The following CAPN5 variants were observed in gnomAD, a reference collection of about 807,000 sequenced individuals.
The protein encoded by CAPN5 is calpain-5.
CAPN5 carries 54 observed loss-of-function variants against 73.0 expected under a neutral mutation model. That is an observed-to-expected ratio of 0.74 (90% confidence interval 0.59 to 0.93). CAPN5 has a LOEUF of 0.93. Ranked by LOEUF, CAPN5 falls within the 40% of genes least tolerant of loss-of-function variation. The pLI is 0.00. For missense variants in CAPN5, 785 were observed against 882.9 expected (o/e 0.89, Z 1.41); for synonymous variants, 335 against 356.9 (o/e 0.94, Z 0.69).
At chr11:77,110,174 G>A (rs1415848613) in intron 3 of CAPN5, among the ~76,000 whole-genome samples, 3 of 149,480 alleles carry the variant, frequency 2.0e-5, no homozygotes, top group South Asian at 2.1e-4. Context: ...TGCAACCTCC[G>A]CCTCCCAGGT....
chr11:77,118,021 G>T (rs1950484919), intron 7 of CAPN5, 136 bp from the exon 8 acceptor site: 2 of 717,928 alleles, frequency 2.8e-6, no homozygotes, highest in African/African-American at 3.5e-5. Context: ...CCTTGTGTGG[G>T]CTTAGCTCCC....
At chr11:77,087,920 G>A (rs771619483) in intron 2 of CAPN5, 1,703 of 1,535,926 alleles carry the variant, frequency 1.1e-3, no homozygotes, top group Non-Finnish European at 1.3e-3. Context: ...CCACAGGCTC[G>A]CTATGTTTTT....
chr11:77,111,378 A>C (rs541116963), intron 3 of CAPN5, among the ~76,000 whole-genome samples: 1 of 152,102 alleles, frequency 6.6e-6, no homozygotes, highest in South Asian at 2.1e-4. Context: ...CCTCCAAAGC[A>C]TGTGTGTATT....
Position 77,085,064 on chromosome 11 carries a change from T to C in CAPN5, c.165+13T>C. The C allele has an allele frequency of 6.2e-7, 1 of 1,611,668 alleles. No individual in the cohort carries two copies. The highest frequency in any genetic ancestry group is 8.5e-7 in the Non-Finnish European group (1 of 1,179,644). On this transcript the variant is annotated intron_variant, in intron 2 of 12. Coordinates refer to ENST00000648180, the MANE Select transcript of CAPN5 (RefSeq NM_004055.5). ...GAAGCGACCCAAGGTCAGTGTCTGG[T>C]CCCAGCTGGAGCTGGGTGAGCGGGC...
chr11:77,073,084 A>G, intron 1 of CAPN5: 1 of 1,289,756 alleles, frequency 7.8e-7, no homozygotes, highest in Non-Finnish European at 1.0e-6. Flanking sequence ...AGCTGTATCT[A>G]CCTGCTGTCA....
rs1278718632 is a variant in CAPN5, at chr11:77,124,839, C to T, written c.*969C>T. The T allele has an allele frequency of 6.6e-6, 1 of 152,260 alleles. No homozygotes were observed. Among genetic ancestry groups the T allele is most frequent in the African/African-American group, 2.4e-5 (1 of 41,454 alleles). 9.4% of individuals were successfully genotyped at this position (152,260 alleles called of 1,614,324 possible). On this transcript the variant is annotated 3_prime_UTR_variant, in exon 13 of 13. Transcript: ENST00000648180. Reference sequence around the variant, plus strand: ...TGGTGCTCACCAGAGTCAGGCCACCCACTGGGCTCGGCAGGAGATAGGGAG... The same window carrying T: ...TGGTGCTCACCAGAGTCAGGCCACCTACTGGGCTCGGCAGGAGATAGGGAG...
rs781896175 is a variant in CAPN5 at position 77,103,102 on chromosome 11, C to T, written c.297+9289C>T. 34 of 1,613,768 alleles carry T rather than the reference C, an allele frequency of 2.1e-5. No homozygotes were observed. Among genetic ancestry groups the T allele is most frequent in the Admixed American group, 6.7e-5 (4 of 60,002 alleles). On this transcript the variant is annotated intron_variant, in intron 3 of 12. Coordinates refer to ENST00000648180, the MANE Select transcript of CAPN5 (RefSeq NM_004055.5). ...ATCACAGGCACCTCGCAGAACTGGACGCCTGACCTCACCAACCTCATGACA... is the reference window on the plus strand; with the variant it reads ...ATCACAGGCACCTCGCAGAACTGGATGCCTGACCTCACCAACCTCATGACA...
intron 2 of CAPN5, among the ~76,000 whole-genome samples, chr11:77,089,309 T>C (rs1439362720): frequency 6.6e-6 from 1 of 152,250 alleles, no homozygotes; most frequent in Non-Finnish European, 1.5e-5. Flanking sequence ...TCTCCATGCC[T>C]GCTCTGCCAG....
At chr11:77,085,291 C>T (rs1306891448) in intron 2 of CAPN5, among the ~76,000 whole-genome samples, 2 of 152,212 alleles carry the variant, frequency 1.3e-5, no homozygotes, top group Non-Finnish European at 1.5e-5. Flanking sequence ...TCAGGGCCTC[C>T]ACTTCCTCAC....
intron 3 of CAPN5, among the ~76,000 whole-genome samples, chr11:77,096,843 G>T (rs1950213707): frequency 6.6e-6 from 1 of 152,192 alleles, no homozygotes; most frequent in Admixed American, 6.5e-5. Context: ...CAGAGTCCCA[G>T]TCGAATGCCT....
chr11:77,104,711 C>T (rs527408821), intron 3 of CAPN5, among the ~76,000 whole-genome samples: 1 of 152,230 alleles, frequency 6.6e-6, no homozygotes, highest in Non-Finnish European at 1.5e-5. Context: ...TTAAGGCCAG[C>T]CCTGTGTTTT....
At position 77,093,753 on chromosome 11, in the gene CAPN5, C is replaced by T. The variant is rs782404412; in HGVS notation, c.237C>T (p.Gly79=). ...SSHDLHQGQV[G]NCWFVAACSS... ...ACGACCTGCACCAGGGCCAGGTGGGCAACTGCTGGTTTGTGGCAGCCTGCT... is the reference window on the plus strand; with the variant it reads ...ACGACCTGCACCAGGGCCAGGTGGGTAACTGCTGGTTTGTGGCAGCCTGCT... The change falls in exon 3 of 13, where the codon GGC becomes GGT. Residue 79 remains glycine, a synonymous_variant. Coordinates refer to ENST00000648180, the MANE Select transcript of CAPN5 (RefSeq NM_004055.5). 3 of 1,612,364 alleles carry T rather than the reference C, an allele frequency of 1.9e-6. No homozygotes were observed. Among genetic ancestry groups the T allele is most frequent in the Admixed American group, 1.7e-5 (1 of 60,012 alleles).
At position 77,071,758 on chromosome 11, in the gene CAPN5, C is replaced by T. The variant is rs531435042; in HGVS notation, c.-36+4664C>T. 4.3e-4 allele frequency: 176 copies of T among 408,828 alleles called. 1 individual carries two copies. Among genetic ancestry groups the T allele is most frequent in the Middle Eastern group, 1.3e-3 (2 of 1,542 alleles). The allele number at this position is 408,828 out of a possible 1,614,324, so 25.3% of individuals were successfully genotyped here. The stretch of plus-strand genomic sequence containing the variant: ...CCTCTGCCTGGGTATGGGGAGCAGG[C>T]GCTGGCATTCTGGGTTGCCATGGCC... On this transcript the variant is annotated intron_variant, in intron 1 of 12. Coordinates refer to ENST00000648180, the MANE Select transcript of CAPN5 (RefSeq NM_004055.5).
intron 2 of CAPN5, among the ~76,000 whole-genome samples, chr11:77,087,477 G>T (rs975287472): frequency 6.6e-6 from 1 of 152,158 alleles, no homozygotes; most frequent in Non-Finnish European, 1.5e-5. Flanking sequence ...TATAGTGGCT[G>T]CTCTGTTCTT....
chr11:77,082,348 C>T (rs1335585421), intron 1 of CAPN5, among the ~76,000 whole-genome samples: 1 of 152,166 alleles, frequency 6.6e-6, no homozygotes, highest in African/African-American at 2.4e-5. Context: ...CTAAAAACAC[C>T]AGGGAGACAG....
intron 3 of CAPN5, among the ~76,000 whole-genome samples, chr11:77,097,480 T>TTTTA (rs1555037679): frequency 4.1e-5 from 6 of 144,824 alleles, no homozygotes; most frequent in African/African-American, 1.3e-4. Context: ...TTTTTTTTTT[T>TTTTA]TTTTTTTTTA....
At position 77,087,795 on chromosome 11, in the gene CAPN5, G is replaced by T. The variant is rs965171859; in HGVS notation, c.165+2744G>T. The stretch of plus-strand genomic sequence containing the variant: ...TTCTCCTTGGCAACTTTTTGTTGGG[G>T]ACCTAGAGCCACCTTGGTTGGGACA... On this transcript the variant is annotated intron_variant, in intron 2 of 12. Transcript: ENST00000648180. The T allele has an allele frequency of 1.1e-5, 12 of 1,053,806 alleles. No homozygotes were observed. In the African/African-American group the frequency reaches 1.3e-4, roughly 11 times the overall value. The allele number at this position is 1,053,806 out of a possible 1,614,324, so 65.3% of individuals were successfully genotyped here.
chr11:77,095,621 C>T (rs551070638), intron 3 of CAPN5, among the ~76,000 whole-genome samples: 30 of 152,352 alleles, frequency 2.0e-4, no homozygotes, highest in African/African-American at 7.0e-4. Context: ...CTCCCCCAGA[C>T]CTCCCAGGGC....
At chr11:77,116,525 G>A (rs1280610644) in intron 7 of CAPN5, among the ~76,000 whole-genome samples, 5 of 152,168 alleles carry the variant, frequency 3.3e-5, no homozygotes, top group Non-Finnish European at 5.9e-5. Flanking sequence ...CCCCTCTGCC[G>A]AACTGAGGGG....
Sources: gnomAD v4.1 joint callset for allele counts (sites outside exome capture counted in the v4.1 genomes callset) on GRCh38, gnomAD v4.1.1 for gene constraint, MANE v1.5 for transcripts, NCBI Gene and HGNC (gene_info 2026-07-23, HGNC 2026-07-21) for gene names.